Variants in OCIAD1 observed in about 807,000 individuals in gnomAD.
OCIAD1 encodes OCIA domain-containing protein 1.
OCIAD1 carries 29 observed loss-of-function variants against 38.9 expected under a neutral mutation model. That is an observed-to-expected ratio of 0.74 (90% CI 0.55 to 1.02). The LOEUF (loss-of-function observed/expected upper bound fraction) is 1.02. OCIAD1 is among the 50% of genes least tolerant of loss of function. OCIAD1 has a pLI of 0.00. For synonymous variants in OCIAD1, 110 were observed against 92.0 expected (o/e 1.20, Z -1.12); for missense variants, 288 against 289.6 (o/e 0.99, Z 0.04).
At position 48,861,080 on chromosome 4, in the gene OCIAD1, A is replaced by G; in HGVS notation, c.*318A>G. ...GATTACAATGCTCTAGAATCAGCATATAAGAAAATAAATGATATCTGCATG... is the reference window on the plus strand; with the variant it reads ...GATTACAATGCTCTAGAATCAGCATGTAAGAAAATAAATGATATCTGCATG... On this transcript the variant is annotated 3_prime_UTR_variant, in exon 9 of 9. Coordinates refer to ENST00000264312, the MANE Select transcript of OCIAD1 (RefSeq NM_017830.4). 4.0e-6 allele frequency: 1 copy of G among 249,786 alleles called. No individual in the cohort carries two copies. The highest frequency in any genetic ancestry group is 7.6e-6 in the Non-Finnish European group (1 of 132,256). 15.5% of individuals were successfully genotyped at this position (249,786 alleles called of 1,614,324 possible).
upstream of OCIAD1, chr4:48,830,632 CTTG>C (rs1777393245): frequency 6.6e-6 from 1 of 152,202 alleles, no homozygotes; most frequent in South Asian, 2.1e-4. Flanking sequence ...GGTTGTAGAA[CTTG>C]TTGGAAACTT....
Position 48,849,962 on chromosome 4 carries a change from G to C in OCIAD1, c.257G>C (p.Gly86Ala). The change falls in exon 6 of 9, where the codon GGA (glycine) becomes GCA (alanine). Residue 86 changes from glycine (G) to alanine (A), a missense_variant. Physicochemically the swap from Gly to Ala is moderately conservative, Grantham distance 60. Coordinates refer to ENST00000264312, the MANE Select transcript of OCIAD1 (RefSeq NM_017830.4). ...IPKLILACIM[G>A]YFAGKLSYVK... ...TACAAATAAGTTGCTTGTATCATGG[G>C]ATACTTTGCTGGAAAACTTTCTTAT... The C allele has an allele frequency of 6.2e-7, 1 of 1,609,680 alleles. No individual in the cohort carries two copies. Among genetic ancestry groups the C allele is most frequent in the African/African-American group, 1.3e-5 (1 of 74,696 alleles).
intron 7 of OCIAD1, 55 bp from the exon 8 acceptor site, chr4:48,857,158 C>CT: frequency 8.5e-7 from 1 of 1,169,832 alleles, no homozygotes; most frequent in African/African-American, 1.6e-5. Context: ...AATTTAGTTG[C>CT]TTTAGAGTTA....
intron 3 of OCIAD1, among the ~76,000 whole-genome samples, chr4:48,834,387 G>T (rs1195606768): frequency 1.3e-5 from 2 of 152,178 alleles, no homozygotes; most frequent in African/African-American, 4.8e-5. Flanking sequence ...GGCCAGGCTG[G>T]TCTTGAACTC....
At chr4:48,858,418 T>C (rs1780293450) in intron 8 of OCIAD1, among the ~76,000 whole-genome samples, 1 of 152,140 alleles carries the variant, frequency 6.6e-6, no homozygotes, top group Admixed American at 6.5e-5. Flanking sequence ...TTGATTTTCT[T>C]GTACATTTGG....
chr4:48,856,916 A>G (rs1780089083), intron 7 of OCIAD1: 1 of 167,756 alleles, frequency 6.0e-6, no homozygotes, highest in Admixed American at 6.3e-5. Context: ...TAATGAGTTT[A>G]AATTGTACTG....
chr4:48,833,290 A>G, intron 2 of OCIAD1, 111 bp from the exon 3 acceptor site: 1 of 663,996 alleles, frequency 1.5e-6, no homozygotes, highest in Non-Finnish European at 2.6e-6. Context: ...TTGTTTTATT[A>G]TTTGAGTTTA....
chr4:48,859,807 A>G (rs1780438846), intron 8 of OCIAD1, among the ~76,000 whole-genome samples: 1 of 152,182 alleles, frequency 6.6e-6, no homozygotes, highest in South Asian at 2.1e-4. Context: ...TATTTATCTA[A>G]TTAGAAATTA....
chr4:48,855,949 GTTAATA>G (rs1003252069), intron 7 of OCIAD1: 19 of 152,178 alleles, frequency 1.2e-4, no homozygotes, highest in African/African-American at 3.9e-4. Flanking sequence ...TTTTTAAAAA[GTTAATA>G]TTAAAAGTAT....
rs148329796 is a variant in OCIAD1, at chr4:48,850,048, C to T, written c.343C>T (p.Arg115Ter). 8.7e-6 allele frequency: 14 copies of T among 1,613,188 alleles called. No homozygotes were observed. Among genetic ancestry groups the T allele is most frequent in the African/African-American group, 2.7e-5 (2 of 74,784 alleles). ...LENSPLGEAL[R>*]SGQARRSSPP... ...AAATTCCCCCCTTGGAGAAGCTTTA[C>T]GATCAGGACAAGCACGACGATCTTC... Residue 115 changes from arginine to a stop codon, truncating the protein, a stop_gained, in exon 6 of 9, where the codon CGA becomes TGA. Transcript: ENST00000264312. LOFTEE classifies it high-confidence loss of function.
intron 1 of OCIAD1, 154 bp downstream of exon 1, chr4:48,831,403 C>A (rs1777475851): frequency 7.3e-6 from 7 of 952,610 alleles, no homozygotes; most frequent in Non-Finnish European, 1.0e-5. Flanking sequence ...GTGCCGGTGA[C>A]TGCGGGAGGC....
Position 48,817,494 on chromosome 4 carries a change from G to C in OCIAD1, c.-103+12164G>C, listed in dbSNP as rs112208251. 6.6e-3 allele frequency among the ~76,000 whole-genome samples: 1,000 copies of C among 152,256 alleles called. 13 individuals carry two copies. The highest frequency in any genetic ancestry group is 0.023 in the African/African-American group (961 of 41,546). ...GCCCCTGGGTTTCAAGCACAAAACTGGGGGGCTGTTTGGGCAGACACCGAG... is the reference window on the plus strand; with the variant it reads ...GCCCCTGGGTTTCAAGCACAAAACTCGGGGGCTGTTTGGGCAGACACCGAG... On this transcript the variant is annotated intron_variant, in intron 1 of 6. Transcript: ENST00000504654.
intron 4 of OCIAD1, among the ~76,000 whole-genome samples, chr4:48,844,951 T>C (rs1280936486): frequency 6.6e-6 from 1 of 152,196 alleles, no homozygotes; most frequent in Non-Finnish European, 1.5e-5. Flanking sequence ...ACATGTTTAG[T>C]ATAGATGCAG....
intron 1 of OCIAD1, among the ~76,000 whole-genome samples, chr4:48,815,546 C>T (rs922637384): frequency 6.6e-6 from 1 of 152,140 alleles, no homozygotes; most frequent in African/African-American, 2.4e-5. Context: ...AGAAGTGCTG[C>T]AGTTTGATAA....
At chr4:48,844,005 C>CT (rs1392902966) in intron 4 of OCIAD1, among the ~76,000 whole-genome samples, 1 of 152,088 alleles carries the variant, frequency 6.6e-6, no homozygotes, top group African/African-American at 2.4e-5. Flanking sequence ...AGTAGAGACT[C>CT]TAAGAGTTGT....
intron 1 of OCIAD1, among the ~76,000 whole-genome samples, chr4:48,824,688 A>G (rs1777231210): frequency 2.0e-5 from 3 of 152,224 alleles, no homozygotes; most frequent in Non-Finnish European, 4.4e-5. Context: ...TTCATTAAGA[A>G]ATGTAACAGA....
At chr4:48,824,440 G>C (rs1777227976) in intron 1 of OCIAD1, among the ~76,000 whole-genome samples, 1 of 151,958 alleles carries the variant, frequency 6.6e-6, no homozygotes, top group Non-Finnish European at 1.5e-5. Flanking sequence ...GAGTGTACAG[G>C]CACAATCATA....
chr4:48,851,856 C>T lies in OCIAD1; in HGVS notation c.428C>T (p.Ser143Phe), dbSNP rs766454975. Residue 143 changes from serine (S) to phenylalanine (F), a missense_variant, in exon 7 of 9, where the codon TCT becomes TTT. Transcript: ENST00000264312. Reference sequence around the variant, plus strand: ...GACTCAAGTGTGAGTGGTCAATCATCTTTTGTGACATCCCCAGCAGCAGAC... The same window carrying T: ...GACTCAAGTGTGAGTGGTCAATCATTTTTTGTGACATCCCCAGCAGCAGAC... Reference protein sequence around the residue: ...KYDSSVSGQSSFVTSPAADNI... With the variant: ...KYDSSVSGQSFFVTSPAADNI... The T allele has an allele frequency of 7.4e-6, 12 of 1,613,620 alleles. No homozygotes were observed. Among genetic ancestry groups the T allele is most frequent in the South Asian group, 1.1e-5 (1 of 91,038 alleles).
At chr4:48,857,048 T>C (rs1172536952) in intron 7 of OCIAD1, 165 bp from the exon 8 acceptor site, 1 of 371,628 alleles carries the variant, frequency 2.7e-6, no homozygotes, top group Non-Finnish European at 4.9e-6. Flanking sequence ...TTCAGTTTGA[T>C]GATTATCTTG....
Sources: allele counts gnomAD v4.1 joint callset (sites outside exome capture counted in the v4.1 genomes callset), GRCh38; gene constraint gnomAD v4.1.1; transcripts MANE v1.5; gene names NCBI Gene and HGNC (gene_info 2026-07-23, HGNC 2026-07-21).